Variants in ROBO1 observed in about 807,000 individuals in gnomAD.
The protein encoded by ROBO1 is roundabout homolog 1.
In ROBO1, 149 loss-of-function variants were observed where a neutral mutation model predicts 195.9. That is an observed-to-expected ratio of 0.76 (90% CI 0.67 to 0.87). The LOEUF (loss-of-function observed/expected upper bound fraction) is 0.87. Among genes scored for constraint, ROBO1 ranks in the 40% least tolerant of loss-of-function variants. The pLI, the probability that ROBO1 is intolerant of heterozygous loss-of-function variation, is 0.00. For synonymous variants in ROBO1, 816 were observed against 733.2 expected (o/e 1.11, Z -1.82); for missense variants, 1,933 against 2,068.3 (o/e 0.93, Z 1.27).
At chr3:79,085,609 G>GT (rs1235561364) in intron 3 of ROBO1, among the ~76,000 whole-genome samples, 1 of 152,112 alleles carries the variant, frequency 6.6e-6, no homozygotes, top group Admixed American at 6.6e-5. Context: ...ATGAGCTTGT[G>GT]GGGCCTGTCA....
At chr3:79,340,475 C>T (rs994092688) in intron 2 of ROBO1, among the ~76,000 whole-genome samples, 2 of 152,136 alleles carry the variant, frequency 1.3e-5, no homozygotes, top group Non-Finnish European at 2.9e-5. Flanking sequence ...TGTGAGGTCT[C>T]TAGGTTCAGA....
intron 2 of ROBO1, among the ~76,000 whole-genome samples, chr3:79,415,871 G>A (rs1464115818): frequency 6.6e-6 from 1 of 152,006 alleles, no homozygotes; most frequent in Admixed American, 6.6e-5. Context: ...ATAGAAAGTG[G>A]GTAACAACGG....
intron 1 of ROBO1, among the ~76,000 whole-genome samples, chr3:79,692,595 G>A (rs920495083): frequency 2.6e-5 from 4 of 151,728 alleles, no homozygotes; most frequent in African/African-American, 4.8e-5. Context: ...AGGATCTCAC[G>A]GATAGTGGGT....
chr3:79,656,758 A>G (rs113245503), intron 1 of ROBO1, among the ~76,000 whole-genome samples: 1 of 151,972 alleles, frequency 6.6e-6, no homozygotes, highest in South Asian at 2.1e-4. Flanking sequence ...ATAGCTGAGC[A>G]TGGTGGCACA....
At chr3:79,646,539 A>G (rs1304137037) in intron 1 of ROBO1, among the ~76,000 whole-genome samples, 2 of 152,164 alleles carry the variant, frequency 1.3e-5, no homozygotes, top group Non-Finnish European at 2.9e-5. Context: ...TGATCCAGCA[A>G]TTACACTACT....
intron 2 of ROBO1, among the ~76,000 whole-genome samples, chr3:79,272,678 A>G (rs75978674): frequency 0.057 from 8,636 of 152,104 alleles, 350 homozygotes; most frequent in African/African-American, 0.12. Context: ...GTGGAAAGCA[A>G]CACCAGGCAG....
chr3:79,056,453 A>G (rs149962265), intron 3 of ROBO1, among the ~76,000 whole-genome samples: 160 of 152,256 alleles, frequency 1.1e-3, no homozygotes, highest in Admixed American at 1.7e-3. Context: ...ACCACATTCA[A>G]CAGACCACTC....
chr3:78,743,957 G>A (rs1481024468), intron 5 of ROBO1, among the ~76,000 whole-genome samples: 1 of 152,166 alleles, frequency 6.6e-6, no homozygotes, highest in Non-Finnish European at 1.5e-5. Context: ...GCATAGTAAT[G>A]AGTACTTGTA....
intron 2 of ROBO1, among the ~76,000 whole-genome samples, chr3:79,134,304 C>T (rs1483680159): frequency 7.7e-6 from 1 of 130,608 alleles, no homozygotes; most frequent in African/African-American, 3.0e-5. Context: ...TCATTACTGG[C>T]CATCAGAGAA....
Position 79,656,900 on chromosome 3 carries a change from G to GAA in ROBO1, c.-50-66941_-50-66940dup, listed in dbSNP as rs72452350. Among the ~76,000 whole-genome samples the GAA allele has an allele frequency of 8.8e-3, 1,317 of 149,636 alleles. 17 individuals carry two copies. The highest frequency in any genetic ancestry group is 0.027 in the African/African-American group (1,109 of 40,778). ...GGACAGAGCAAGACCTTGTCTCAAA[G>GAA]AAAAAAAATAATGCTCTTGGCCGTA... On this transcript the variant is annotated intron_variant, in intron 1 of 30. Coordinates refer to ENST00000464233, the MANE Select transcript of ROBO1 (RefSeq NM_002941.4).
At chr3:79,249,905 A>C (rs1173217978) in intron 2 of ROBO1, among the ~76,000 whole-genome samples, 11 of 152,326 alleles carry the variant, frequency 7.2e-5, no homozygotes, top group Admixed American at 3.3e-4. Context: ...GAAATGAAGG[A>C]AAATGGGTGC....
At chr3:79,148,752 A>G (rs2080705763) in intron 2 of ROBO1, among the ~76,000 whole-genome samples, 1 of 151,958 alleles carries the variant, frequency 6.6e-6, no homozygotes, top group Non-Finnish European at 1.5e-5. Context: ...AATTCTTAAC[A>G]TTCATACTCA....
chr3:78,890,577 T>C (rs329819), intron 4 of ROBO1, among the ~76,000 whole-genome samples: 69,607 of 151,998 alleles, frequency 0.46, 18,272 homozygotes, highest in African/African-American at 0.74. Flanking sequence ...CTGGTGAAAA[T>C]GGTAAACTGG....
intron 4 of ROBO1, among the ~76,000 whole-genome samples, chr3:78,788,065 G>A (rs1157044180): frequency 6.7e-6 from 1 of 149,358 alleles, no homozygotes; most frequent in Non-Finnish European, 1.5e-5. Context: ...TCAGCCTCCC[G>A]AGTAGCTGGG....
chr3:79,734,724 C>T (rs1316347945), intron 1 of ROBO1, among the ~76,000 whole-genome samples: 1 of 151,390 alleles, frequency 6.6e-6, no homozygotes, highest in African/African-American at 2.4e-5. Flanking sequence ...AATACAGCCA[C>T]TACTTCCATA....
intron 1 of ROBO1, among the ~76,000 whole-genome samples, chr3:79,616,436 G>T (rs1230990473): frequency 6.6e-6 from 1 of 152,140 alleles, no homozygotes; most frequent in South Asian, 2.1e-4. Flanking sequence ...CTCAGGAGCT[G>T]TAGGATCCCA....
intron 4 of ROBO1, among the ~76,000 whole-genome samples, chr3:78,771,207 G>A (rs2083366218): frequency 6.6e-6 from 1 of 152,168 alleles, no homozygotes; most frequent in South Asian, 2.1e-4. Context: ...GATGGCTGTA[G>A]GTGCACGGCT....
chr3:79,040,201 G>A (rs1383865447), intron 3 of ROBO1, among the ~76,000 whole-genome samples: 2 of 152,096 alleles, frequency 1.3e-5, no homozygotes, highest in African/African-American at 4.8e-5. Flanking sequence ...ATAAAGATTC[G>A]CCTCAATCTT....
chr3:78,726,015 T>C (rs1336646846), intron 5 of ROBO1, among the ~76,000 whole-genome samples: 1 of 152,078 alleles, frequency 6.6e-6, no homozygotes, highest in Non-Finnish European at 1.5e-5. Context: ...CTGGAGCTAA[T>C]TAACTAGTTT....
Sources: gnomAD v4.1 joint callset for allele counts (sites outside exome capture counted in the v4.1 genomes callset) on GRCh38, gnomAD v4.1.1 for gene constraint, MANE v1.5 for transcripts, NCBI Gene and HGNC (gene_info 2026-07-23, HGNC 2026-07-21) for gene names.